Variants in ADCY10 observed in about 807,000 individuals in gnomAD.
ADCY10 encodes the protein adenylate cyclase type 10.
Under a neutral mutation model 183.3 loss-of-function variants are expected in ADCY10, and 156 were observed. The ratio of observed to expected loss-of-function variants is 0.85; its 90% CI spans 0.75 to 0.97. The LOEUF (loss-of-function observed/expected upper bound fraction) is 0.97, where lower values mean the gene tolerates loss of function less well. Among genes scored for constraint, ADCY10 ranks in the 50% least tolerant of loss-of-function variants. The pLI, the probability that ADCY10 is intolerant of heterozygous loss-of-function variation, is 0.00. For missense variants in ADCY10, 1,745 were observed against 1,934.3 expected, an observed-to-expected ratio of 0.90 and a Z score of 1.84; for synonymous variants, 645 against 670.0, an observed-to-expected ratio of 0.96 and a Z score of 0.58.
rs11454786 is a variant in ADCY10, at chr1:167,819,247, AT to A, written c.4287-981del. 6.6e-3 allele frequency among the ~76,000 whole-genome samples: 847 copies of A among 128,322 alleles called. 13 individuals are homozygous for A. The highest frequency in any genetic ancestry group is 0.034 in the Admixed American group (416 of 12,402). 84.2% of individuals were successfully genotyped at this position (128,322 alleles called of 152,430 possible). A position where few individuals can be genotyped will look rare whatever the true frequency, so the allele number is the denominator to read the frequency against. On this transcript the variant is annotated intron_variant, in intron 30 of 32. Coordinates refer to ENST00000367851, the MANE Select transcript of ADCY10 (RefSeq NM_018417.6). ...GAATATTTTCTGTGTAGAAAATCCG[AT>A]TTTTTTTTTTTTTTTTTTTTAGATG...
intron 13 of ADCY10, among the ~76,000 whole-genome samples, chr1:167,873,053 G>A (rs1304812732): frequency 6.6e-6 from 1 of 151,908 alleles, no homozygotes; most frequent in Non-Finnish European, 1.5e-5. Flanking sequence ...CTGGGCGACA[G>A]AGTGAGACTC....
At chr1:167,822,563 C>G (rs1426769114) in intron 29 of ADCY10, among the ~76,000 whole-genome samples, 1 of 152,162 alleles carries the variant, frequency 6.6e-6, no homozygotes, top group Admixed American at 6.5e-5. Context: ...CTTGGTGTCA[C>G]TTGAAGGTTA....
chr1:167,829,153 G>T, intron 26 of ADCY10, 114 bp downstream of exon 26: 1 of 1,286,384 alleles, frequency 7.8e-7, no homozygotes, highest in Non-Finnish European at 1.1e-6. Flanking sequence ...AAGCCAATCA[G>T]AAAGCCTTCT....
chr1:167,909,930 G>A (rs752455753), intron 1 of ADCY10, among the ~76,000 whole-genome samples: 12 of 149,578 alleles, frequency 8.0e-5, no homozygotes, highest in Middle Eastern at 3.2e-3. Flanking sequence ...ACCAGCCGGC[G>A]CCACTGATGA....
chr1:167,854,471 G>C lies in ADCY10; in HGVS notation c.2190C>G (p.Ser730Arg). Reference protein sequence around the residue: ...KELDSYLGEGSCGIPFYCEEL... With the variant: ...KELDSYLGEGRCGIPFYCEEL... ...CTTCACAGTAAAATGGAATCCCACA[G>C]CTTCCCTCCCCCAGGTACCTGTAGT... Residue 730 changes from serine (S) to arginine (R), a missense_variant, in exon 18 of 33, where the codon AGC (serine) becomes AGG (arginine). By Grantham distance (110) the Ser-to-Arg change is moderately radical. Coordinates refer to ENST00000367851, the MANE Select transcript of ADCY10 (RefSeq NM_018417.6). The C allele has an allele frequency of 6.2e-7, 1 of 1,614,164 alleles. No individual in the cohort carries two copies. The highest frequency in any genetic ancestry group is 1.6e-4 in the Middle Eastern group (1 of 6,062).
At chr1:167,872,175 T>C (rs1303012347) in intron 13 of ADCY10, among the ~76,000 whole-genome samples, 2 of 151,900 alleles carry the variant, frequency 1.3e-5, no homozygotes, top group Non-Finnish European at 2.9e-5. Flanking sequence ...CCCGTCTCTA[T>C]TAAAAATACA....
At chr1:167,821,391 A>G (rs1465048393) in intron 30 of ADCY10, among the ~76,000 whole-genome samples, 1 of 152,228 alleles carries the variant, frequency 6.6e-6, no homozygotes, top group African/African-American at 2.4e-5. Context: ...TTCAATGATA[A>G]GGAGAGATCT....
intron 23 of ADCY10, 46 bp downstream of exon 23, chr1:167,836,263 A>C: frequency 1.5e-6 from 2 of 1,318,618 alleles, no homozygotes; most frequent in Non-Finnish European, 2.2e-6. Context: ...TCTATGTTCT[A>C]TGAATTGTCT....
Position 167,857,442 on chromosome 1 carries a change from G to A in ADCY10, c.1897-1003C>T, listed in dbSNP as rs569528290. 2.6e-5 allele frequency among the ~76,000 whole-genome samples: 4 copies of A among 152,216 alleles called. No individual in the cohort carries two copies. The South Asian group carries it at 8.3e-4, about 32-fold the overall frequency. On this transcript the variant is annotated intron_variant, in intron 16 of 32. Coordinates refer to ENST00000367851, the MANE Select transcript of ADCY10 (RefSeq NM_018417.6). ...GCACTACATTGTTTTGAGTTTGACT[G>A]GTATCTTTAAAAAGATGGGGCAGAT... is the stretch of plus-strand genomic sequence containing the variant.
At chr1:167,902,119 C>T in intron 3 of ADCY10, 65 bp from the exon 4 acceptor site, 1 of 1,460,380 alleles carries the variant, frequency 6.8e-7, no homozygotes, top group South Asian at 1.1e-5. Context: ...AAACATCATT[C>T]TTTCTTAGTG....
rs151300700 is a variant in ADCY10, at chr1:167,901,569, T to C, written c.436+93A>G. Reference sequence around the variant, plus strand: ...AGGGCATCATGGGGCTGAGCCACCATGTTCTACTACTTCTCTTTGGGAGAG... The same window carrying C: ...AGGGCATCATGGGGCTGAGCCACCACGTTCTACTACTTCTCTTTGGGAGAG... On this transcript the variant is annotated intron_variant, in intron 5 of 32. Coordinates refer to ENST00000367851, the MANE Select transcript of ADCY10 (RefSeq NM_018417.6). 1,198 of 1,317,708 alleles carry C rather than the reference T, an allele frequency of 9.1e-4. 9 individuals are homozygous for C. In the African/African-American group the frequency reaches 0.015, roughly 16 times the overall value. 81.6% of individuals were successfully genotyped at this position (1,317,708 alleles called of 1,614,324 possible).
chr1:167,826,839 G>A (rs570589253), intron 26 of ADCY10, among the ~76,000 whole-genome samples: 1 of 152,260 alleles, frequency 6.6e-6, no homozygotes, highest in African/African-American at 2.4e-5. Context: ...TTCCCTCCAA[G>A]CAGAGGAAAC....
At chr1:167,822,163 G>A (rs763621713) in intron 29 of ADCY10, 22 bp from the exon 30 acceptor site, 2 of 1,423,390 alleles carry the variant, frequency 1.4e-6, no homozygotes, top group Admixed American at 1.7e-5. Context: ...AGGAATGGGT[G>A]AGAGTTATTA....
chr1:167,903,650 T>C (rs948396753), intron 3 of ADCY10, among the ~76,000 whole-genome samples: 4 of 152,196 alleles, frequency 2.6e-5, no homozygotes, highest in Non-Finnish European at 4.4e-5. Flanking sequence ...CAGTGTATAA[T>C]TCAGCCCTCT....
intron 26 of ADCY10, among the ~76,000 whole-genome samples, chr1:167,827,260 T>G (rs1663365058): frequency 6.6e-6 from 1 of 151,584 alleles, no homozygotes; most frequent in East Asian, 1.9e-4. Context: ...CTCCACCTCC[T>G]GGGTTCACAC....
chr1:167,884,720 C>T (rs71632331), intron 8 of ADCY10, among the ~76,000 whole-genome samples: 23,971 of 130,330 alleles, frequency 0.18, 2,288 homozygotes, highest in Middle Eastern at 0.28. Flanking sequence ...TTTTTTGAGA[C>T]GGAGTCTCGC....
chr1:167,872,717 A>G (rs1322519136), intron 13 of ADCY10, among the ~76,000 whole-genome samples: 2 of 150,136 alleles, frequency 1.3e-5, no homozygotes, highest in African/African-American at 4.9e-5. Flanking sequence ...AGGTATGTGG[A>G]CCTGATCTTT....
At position 167,859,845 on chromosome 1, in the gene ADCY10, T is replaced by G; in HGVS notation, c.1858A>C (p.Lys620Gln). 6.2e-7 allele frequency: 1 copy of G among 1,613,900 alleles called. No individual in the cohort carries two copies. Reference sequence around the variant, plus strand: ...TTCATAAACAATATTTCCAATTGTTTTTGCTTTTTCAAGGTGCTCATCCTG... The same window carrying G: ...TTCATAAACAATATTTCCAATTGTTGTTGCTTTTTCAAGGTGCTCATCCTG... ...ISRMSTLKKQ[K>Q]QLEILFMKIL... is the part of the protein sequence containing the mutation. The change falls in exon 16 of 33, where the codon AAA becomes CAA. Residue 620 changes from lysine to glutamine, a missense_variant. Transcript: ENST00000367851.
chr1:167,829,130 G>T, intron 26 of ADCY10, 137 bp downstream of exon 26: 1 of 957,218 alleles, frequency 1.0e-6, no homozygotes, highest in Non-Finnish European at 1.6e-6. Context: ...AGAACTGCTG[G>T]CCTTGTCAAA....
Sources: allele counts gnomAD v4.1 joint callset (sites outside exome capture counted in the v4.1 genomes callset), GRCh38; gene constraint gnomAD v4.1.1; transcripts MANE v1.5; gene names NCBI Gene and HGNC (gene_info 2026-07-23, HGNC 2026-07-21).